The following TRPM3 variants were observed in gnomAD, a reference collection of about 807,000 sequenced individuals.
TRPM3 encodes long transient receptor potential channel 3.
A neutral mutation model predicts 181.2 loss-of-function variants in TRPM3; 77 were observed. The observed-to-expected ratio is 0.42, with a 90% CI of 0.35 to 0.51. The LOEUF (loss-of-function observed/expected upper bound fraction) is 0.51. Ranked by LOEUF, TRPM3 falls within the 20% of genes least tolerant of loss-of-function variation. The pLI, the probability that TRPM3 is intolerant of heterozygous loss-of-function variation, is 0.01. For synonymous variants in TRPM3, 745 were observed against 796.4 expected (o/e 0.94, Z 1.09); for missense variants, 1,759 against 2,196.7 (o/e 0.80, Z 3.98).
intron 1 of TRPM3, among the ~76,000 whole-genome samples, chr9:71,096,340 T>C (rs1420136386): frequency 6.7e-6 from 1 of 150,212 alleles, no homozygotes; most frequent in Admixed American, 6.7e-5. Context: ...TTCTAGGACC[T>C]GAAGGAACAA....
chr9:71,082,919 G>A (rs1305382200), intron 1 of TRPM3, among the ~76,000 whole-genome samples: 2 of 152,090 alleles, frequency 1.3e-5, no homozygotes, highest in African/African-American at 4.8e-5. Context: ...GGCAGGAACA[G>A]AACAGATAAC....
intron 1 of TRPM3, among the ~76,000 whole-genome samples, chr9:70,905,759 T>C (rs572139949): frequency 6.6e-5 from 10 of 152,260 alleles, no homozygotes; most frequent in African/African-American, 2.4e-4. Context: ...TTTTTTTCTT[T>C]TGAGACAGCG....
intron 1 of TRPM3, among the ~76,000 whole-genome samples, chr9:70,931,243 C>T (rs2096772540): frequency 6.6e-6 from 1 of 151,938 alleles, no homozygotes; most frequent in African/African-American, 2.4e-5. Flanking sequence ...TTAAGAATAA[C>T]TTGGAATGTA....
At chr9:70,541,395 C>CT (rs1449901306) in intron 25 of TRPM3, among the ~76,000 whole-genome samples, 3 of 152,056 alleles carry the variant, frequency 2.0e-5, no homozygotes, top group African/African-American at 7.2e-5. Flanking sequence ...TGTGTGATCA[C>CT]TTAGGTCATG....
intron 1 of TRPM3, among the ~76,000 whole-genome samples, chr9:71,263,562 T>C (rs1340506603): frequency 1.3e-5 from 2 of 152,138 alleles, no homozygotes; most frequent in African/African-American, 2.4e-5. Flanking sequence ...CAGGCAAACA[T>C]TTCTTAGTCA....
chr9:71,024,242 C>T (rs1590742402), intron 1 of TRPM3, among the ~76,000 whole-genome samples: 1 of 152,122 alleles, frequency 6.6e-6, no homozygotes, highest in East Asian at 1.9e-4. Context: ...GATGTGTGTG[C>T]ATATATACAT....
At chr9:70,997,758 C>T (rs909667401) in intron 1 of TRPM3, among the ~76,000 whole-genome samples, 1 of 152,084 alleles carries the variant, frequency 6.6e-6, no homozygotes, top group Non-Finnish European at 1.5e-5. Context: ...TGGGTATCAA[C>T]GTTAATTATA....
At chr9:71,210,116 T>C (rs1482749167) in intron 1 of TRPM3, among the ~76,000 whole-genome samples, 1 of 152,184 alleles carries the variant, frequency 6.6e-6, no homozygotes, top group Non-Finnish European at 1.5e-5. Context: ...ATGGCTCACA[T>C]TACTGCCTAA....
intron 25 of TRPM3, among the ~76,000 whole-genome samples, chr9:70,547,978 T>C (rs910804338): frequency 1.3e-5 from 2 of 152,238 alleles, no homozygotes; most frequent in Admixed American, 6.5e-5. Context: ...CTCTTCGTTC[T>C]AGTTCCTCAG....
chr9:71,225,797 C>T (rs192106984), intron 1 of TRPM3, among the ~76,000 whole-genome samples: 11 of 151,882 alleles, frequency 7.2e-5, no homozygotes, highest in Admixed American at 5.9e-4. Flanking sequence ...GCTGGGATTA[C>T]AGGCACCCAC....
intron 1 of TRPM3, among the ~76,000 whole-genome samples, chr9:71,068,329 C>T (rs2133476013): frequency 1.3e-5 from 2 of 152,310 alleles, no homozygotes; most frequent in South Asian, 4.1e-4. Flanking sequence ...ACTGTACTTT[C>T]TCAATTCCAA....
In TRPM3 at chr9:70,886,655, CT is replaced by C. The variant is rs970653802; in HGVS notation, c.178-22145del. Reference sequence around the variant, plus strand: ...TCTTTTTGTTTATAATGAGTCAACACTTTTTTTTCTTTTTTTCTTTTTTTTT... The same window carrying C: ...TCTTTTTGTTTATAATGAGTCAACACTTTTTTTCTTTTTTTCTTTTTTTTT... On this transcript the variant is annotated intron_variant, in intron 1 of 25. Transcript: ENST00000677713. Among the ~76,000 whole-genome samples, 19 of 151,776 alleles carry C rather than the reference CT, an allele frequency of 1.3e-4. No individual in the cohort carries two copies. The East Asian group carries it at 1.4e-3, about 11-fold the overall frequency.
chr9:70,680,520 C>T (rs1208467946), intron 9 of TRPM3, among the ~76,000 whole-genome samples: 2 of 152,096 alleles, frequency 1.3e-5, no homozygotes, highest in Non-Finnish European at 2.9e-5. Context: ...TGAATGTTGC[C>T]ATGTGTTAAG....
intron 1 of TRPM3, among the ~76,000 whole-genome samples, chr9:70,952,194 A>T (rs1165897145): frequency 6.6e-6 from 1 of 152,196 alleles, no homozygotes; most frequent in Non-Finnish European, 1.5e-5. Context: ...TTTCTTTAGC[A>T]GCAAGTTTTA....
intron 22 of TRPM3, among the ~76,000 whole-genome samples, chr9:70,572,002 G>A (rs780072340): frequency 1.1e-4 from 16 of 151,948 alleles, no homozygotes; most frequent in Non-Finnish European, 1.8e-4. Flanking sequence ...ACTCACTAAG[G>A]ACACAGTGCT....
chr9:70,609,427 T>C (rs947573393), intron 19 of TRPM3, among the ~76,000 whole-genome samples: 22 of 152,360 alleles, frequency 1.4e-4, no homozygotes, highest in African/African-American at 5.3e-4. Context: ...AATATTTACA[T>C]TTCGATAATA....
chr9:71,272,028 C>A (rs946210361), intron 1 of TRPM3, among the ~76,000 whole-genome samples: 1 of 152,064 alleles, frequency 6.6e-6, no homozygotes, highest in South Asian at 2.1e-4. Flanking sequence ...TTTTGGTTAA[C>A]GGAGGGGGTA....
intron 1 of TRPM3, among the ~76,000 whole-genome samples, chr9:71,331,113 T>C (rs1290714596): frequency 6.6e-6 from 1 of 151,900 alleles, no homozygotes; most frequent in Non-Finnish European, 1.5e-5. Flanking sequence ...TAAAGAATAT[T>C]AGTAAATTAT....
At chr9:70,539,817 A>G (rs1474588019) in intron 25 of TRPM3, among the ~76,000 whole-genome samples, 3 of 152,250 alleles carry the variant, frequency 2.0e-5, no homozygotes, top group Middle Eastern at 3.4e-3. Flanking sequence ...ATTTTTTACA[A>G]TGCAATCTGT....
Sources: allele counts gnomAD v4.1 joint callset (sites outside exome capture counted in the v4.1 genomes callset), GRCh38; gene constraint gnomAD v4.1.1; transcripts MANE v1.5; gene names NCBI Gene and HGNC (gene_info 2026-07-23, HGNC 2026-07-21).